Variants in GPR89B observed in about 807,000 individuals in gnomAD.
GPR89B encodes the protein G protein-coupled receptor 89B.
Under a neutral mutation model 52.4 loss-of-function variants are expected in GPR89B, and 25 were observed. The observed-to-expected ratio is 0.48, with a 90% CI of 0.35 to 0.67. The LOEUF is 0.67. GPR89B is among the 30% of genes least tolerant of loss of function. GPR89B has a pLI of 0.01. For missense variants in GPR89B, 146 were observed against 450.2 expected, an observed-to-expected ratio of 0.32 and a Z score of 6.11; for synonymous variants, 52 against 151.2, an observed-to-expected ratio of 0.34 and a Z score of 4.81.
chr1:148,000,793 AAAC>A, the GPR89B span, among the ~76,000 whole-genome samples: 4,904 of 137,726 alleles, frequency 0.036, 99 homozygotes, highest in South Asian at 0.053. Flanking sequence ...AAAAAAAAAA[AAAC>A]AACAACAAAA....
At chr1:147,966,066 T>C (rs1279192251) in intron 7 of GPR89B, among the ~76,000 whole-genome samples, 1 of 151,746 alleles carries the variant, frequency 6.6e-6, no homozygotes, top group Non-Finnish European at 1.5e-5. Context: ...ATGCTGGTCT[T>C]GAACTCCCAA....
At chr1:148,000,833 G>A in the GPR89B span, among the ~76,000 whole-genome samples, 1 of 147,608 alleles carries the variant, frequency 6.8e-6, no homozygotes, top group Admixed American at 6.8e-5. Context: ...AGTAGTGGGT[G>A]TTATGATAAA....
chr1:147,934,328 C>T (rs1653904331), intron 1 of GPR89B, among the ~76,000 whole-genome samples: 1 of 152,142 alleles, frequency 6.6e-6, no homozygotes, highest in East Asian at 1.9e-4. Flanking sequence ...AGGCATGCAC[C>T]ACCATAGCTA....
chr1:147,989,164 A>G (rs1658878367), intron 12 of GPR89B, among the ~76,000 whole-genome samples: 1 of 147,158 alleles, frequency 6.8e-6, no homozygotes, highest in African/African-American at 2.5e-5. Context: ...GACTGGAAGA[A>G]TAGTTGTGAG....
At chr1:148,020,718 T>C in the GPR89B span, among the ~76,000 whole-genome samples, 1 of 152,084 alleles carries the variant, frequency 6.6e-6, no homozygotes, top group Non-Finnish European at 1.5e-5. Context: ...ACAGAGTCTC[T>C]GTCTGGCCCC....
the GPR89B span, among the ~76,000 whole-genome samples, chr1:147,999,493 G>A: frequency 6.8e-6 from 1 of 147,068 alleles, no homozygotes; most frequent in Non-Finnish European, 1.5e-5. Flanking sequence ...CAGCTACTCA[G>A]GAGGCTGAGG....
intron 3 of GPR89B, among the ~76,000 whole-genome samples, chr1:147,940,199 C>G (rs1442649232): frequency 1.3e-5 from 2 of 151,934 alleles, no homozygotes; most frequent in Admixed American, 6.6e-5. Context: ...GTCAGGAGAT[C>G]AAGACCATCC....
chr1:148,020,513 G>A, the GPR89B span, among the ~76,000 whole-genome samples: 6 of 151,380 alleles, frequency 4.0e-5, no homozygotes, highest in African/African-American at 1.5e-4. Flanking sequence ...CCTCCCACCC[G>A]GGAGACCTGG....
chr1:147,944,895 A>AATATATAT (rs1224164818), intron 5 of GPR89B, among the ~76,000 whole-genome samples: 46 of 148,284 alleles, frequency 3.1e-4, no homozygotes, highest in African/African-American at 1.1e-3. Context: ...CCTTTTTAAA[A>AATATATAT]ATATATATAT....
chr1:147,936,554 T>A (rs1389954811), intron 1 of GPR89B, 73 bp from the exon 2 acceptor site: 1 of 1,030,652 alleles, frequency 9.7e-7, no homozygotes, highest in African/African-American at 1.6e-5. Context: ...AGACCTTTTA[T>A]CATAAAAGAG....
intron 7 of GPR89B, among the ~76,000 whole-genome samples, chr1:147,955,619 T>C (rs1656060230): frequency 6.6e-6 from 1 of 152,080 alleles, no homozygotes; most frequent in South Asian, 2.1e-4. Flanking sequence ...TGAGGTGATA[T>C]CTCATTGTGT....
chr1:148,018,200 C>T, the GPR89B span, among the ~76,000 whole-genome samples: 2 of 140,886 alleles, frequency 1.4e-5, no homozygotes, highest in East Asian at 2.0e-4. Flanking sequence ...GGGCGGATCA[C>T]GAGGTCAGGA....
chr1:147,985,078 G>T (rs1200682889), intron 10 of GPR89B, among the ~76,000 whole-genome samples: 7 of 152,272 alleles, frequency 4.6e-5, no homozygotes, highest in African/African-American at 1.7e-4. Context: ...TCCAGCTATT[G>T]TGGATTTGTC....
chr1:147,962,881 G>A (rs1407310474), intron 7 of GPR89B, among the ~76,000 whole-genome samples: 3 of 149,544 alleles, frequency 2.0e-5, no homozygotes, highest in African/African-American at 7.5e-5. Context: ...GGGCAACAGA[G>A]CGAGACTCCG....
At chr1:147,976,027 T>C (rs1657802264) in intron 10 of GPR89B, among the ~76,000 whole-genome samples, 1 of 152,198 alleles carries the variant, frequency 6.6e-6, no homozygotes, top group Non-Finnish European at 1.5e-5. Flanking sequence ...GAGACTGTTA[T>C]AATTTCAGTT....
rs1571316772 is a variant in GPR89B, at chr1:147,985,391, G to A, written c.910-808G>A. 2.0e-5 allele frequency among the ~76,000 whole-genome samples: 3 copies of A among 151,844 alleles called. 1 individual carries two copies. On this transcript the variant is annotated intron_variant, in intron 10 of 13. Coordinates refer to ENST00000314163, the MANE Select transcript of GPR89B (RefSeq NM_016334.5). ...TTTTTCATAAGGAATATATAGTTGG[G>A]TCTTGCATTTTTATCCAATCTAACA...
At chr1:148,009,488 C>T in the GPR89B span, 1 of 1,598,340 alleles carries the variant, frequency 6.3e-7, no homozygotes, top group South Asian at 1.1e-5. Flanking sequence ...GACTTTGACC[C>T]AACTCTTTCA....
intron 3 of GPR89B, among the ~76,000 whole-genome samples, chr1:147,942,029 C>T (rs1457174858): frequency 5.3e-5 from 8 of 150,280 alleles, no homozygotes; most frequent in Non-Finnish European, 1.2e-4. Flanking sequence ...ACCAACATTC[C>T]AAAAACAAGA....
chr1:147,985,954 G>A (rs1380979495), intron 10 of GPR89B, among the ~76,000 whole-genome samples: 4 of 152,186 alleles, frequency 2.6e-5, no homozygotes, highest in African/African-American at 9.6e-5. Flanking sequence ...GCATAATGCC[G>A]TAGCTTTATT....
Sources: gnomAD v4.1 joint callset for allele counts (sites outside exome capture counted in the v4.1 genomes callset) on GRCh38, gnomAD v4.1.1 for gene constraint, MANE v1.5 for transcripts, NCBI Gene and HGNC (gene_info 2026-07-23, HGNC 2026-07-21) for gene names.